STARD8: variants seen among roughly 807,000 people sequenced by gnomAD.
STARD8 encodes the protein stAR-related lipid transfer protein 8.
Under a neutral mutation model 69.4 loss-of-function variants are expected in STARD8, and 25 were observed. That is an observed-to-expected ratio of 0.36 (90% CI 0.26 to 0.50). The LOEUF is 0.50. STARD8 is among the 20% of genes least tolerant of loss of function. STARD8 has a pLI of 0.96. For synonymous variants in STARD8, 389 were observed against 374.6 expected, an observed-to-expected ratio of 1.04 and a Z score of -0.45; for missense variants, 921 against 932.5, an observed-to-expected ratio of 0.99 and a Z score of 0.16.
intron 1 of STARD8, 34 bp from the exon 2 acceptor site, chrX:68,665,465 C>A: frequency 8.3e-7 from 1 of 1,197,734 alleles, no homozygotes. Flanking sequence ...TGCATCTCTG[C>A]AATGCCTTGA....
intron 2 of STARD8, among the ~76,000 whole-genome samples, chrX:68,678,250 G>T (rs1480266948): frequency 9.0e-6 from 1 of 111,468 alleles, no homozygotes; most frequent in African/African-American, 3.3e-5. Context: ...AATTCCCCTG[G>T]AAAGTGGAAA....
intron 1 of STARD8, among the ~76,000 whole-genome samples, chrX:68,651,936 C>G (rs2079550188): frequency 9.3e-6 from 1 of 107,474 alleles, no homozygotes. Flanking sequence ...CAACCTCCAC[C>G]TCCCGGGTTC....
intron 1 of STARD8, among the ~76,000 whole-genome samples, chrX:68,650,270 T>A (rs188919384): frequency 2.7e-4 from 29 of 107,984 alleles, no homozygotes; most frequent in African/African-American, 9.5e-4. Context: ...ATAAAAAAAA[T>A]TTGCTGGGCA....
In STARD8 at chrX:68,717,405, GC is replaced by G; in HGVS notation, c.493del (p.Leu165TyrfsTer52). Reference sequence around the variant, plus strand: ...ACCTCTCTGCCAGTCATCACCGTGAGCCTACCACCCGAGCCAGCAGACTTGC... The same window carrying G: ...ACCTCTCTGCCAGTCATCACCGTGAGCTACCACCCGAGCCAGCAGACTTGC... ...SATSLPVITV[S>X]LPPEPADLPL... On this transcript the variant is annotated frameshift_variant, in exon 6 of 15. Transcript: ENST00000374599. LOFTEE classifies it high-confidence loss of function. The G allele has an allele frequency of 8.3e-7, 1 of 1,209,569 alleles. No homozygotes were observed. Among genetic ancestry groups the G allele is most frequent in the Non-Finnish European group, 1.1e-6 (1 of 894,854 alleles).
intron 1 of STARD8, among the ~76,000 whole-genome samples, chrX:68,660,443 CCCCAGCAGACATCACAT>C (rs2079637563): frequency 9.0e-6 from 1 of 111,687 alleles, no homozygotes; most frequent in African/African-American, 3.3e-5. Flanking sequence ...AGCACCCCAT[CCCCAGCAGACATCACAT>C]CCCGAACATG....
At chrX:68,698,380 G>A (rs190865408) in intron 2 of STARD8, among the ~76,000 whole-genome samples, 1 of 111,593 alleles carries the variant, frequency 9.0e-6, no homozygotes, top group Non-Finnish European at 1.9e-5. Flanking sequence ...AGGGTCTGCC[G>A]ATGCTGGGTA....
intron 1 of STARD8, among the ~76,000 whole-genome samples, chrX:68,665,038 G>A (rs2079674343): frequency 8.9e-6 from 1 of 112,331 alleles, no homozygotes; most frequent in Admixed American, 9.4e-5. Flanking sequence ...AGCAGGGGAA[G>A]GTGACCCTGA....
chrX:68,652,210 T>C (rs1442707020), intron 1 of STARD8, among the ~76,000 whole-genome samples: 1 of 110,576 alleles, frequency 9.0e-6, no homozygotes, highest in Non-Finnish European at 1.9e-5. Context: ...TACACATGAT[T>C]TGTTGGAAGC....
Position 68,716,356 on chromosome X carries a change from A to G in STARD8, c.234-12A>G. 1 of 1,209,440 alleles carries G rather than the reference A, an allele frequency of 8.3e-7. No homozygotes were observed. Among genetic ancestry groups the G allele is most frequent in the Non-Finnish European group, 1.1e-6 (1 of 894,069 alleles). On this transcript the variant is annotated splice_polypyrimidine_tract_variant and intron_variant, in intron 4 of 14. Coordinates refer to ENST00000374599, the MANE Select transcript of STARD8 (RefSeq NM_001142503.3). The stretch of plus-strand genomic sequence containing the variant: ...TGGGGACCCTTGGTTGGACACTTCC[A>G]TTTTGTTACAGGAGGCTGATGACCT...
intron 2 of STARD8, among the ~76,000 whole-genome samples, chrX:68,693,277 C>T (rs952315298): frequency 8.9e-6 from 1 of 112,807 alleles, no homozygotes; most frequent in Non-Finnish European, 1.9e-5. Flanking sequence ...GAAGTTGTGT[C>T]TTCTGGACAT....
At chrX:68,671,812 C>G (rs922155716) in intron 2 of STARD8, among the ~76,000 whole-genome samples, 22 of 112,045 alleles carry the variant, frequency 2.0e-4, no homozygotes, top group Admixed American at 9.4e-5. Flanking sequence ...TTAACCCATG[C>G]TTTTGAAACT....
intron 2 of STARD8, among the ~76,000 whole-genome samples, chrX:68,674,150 T>C (rs898207829): frequency 1.8e-5 from 2 of 109,786 alleles, no homozygotes; most frequent in Admixed American, 1.9e-4. Flanking sequence ...AAAAATTAGC[T>C]AAGTGTGGTG....
At chrX:68,681,738 C>T (rs867930931) in intron 2 of STARD8, among the ~76,000 whole-genome samples, 3 of 112,050 alleles carry the variant, frequency 2.7e-5, no homozygotes, top group Non-Finnish European at 3.8e-5. Context: ...TAACTAGATG[C>T]CTCATCGGCC....
In STARD8 at chrX:68,705,812, A is replaced by G. The variant is rs73529876; in HGVS notation, c.80-7102A>G. ...TTGACCCCCACCAATTGAGATGACC[A>G]AAAACGTCTCCAGACATTGCCAAAT... On this transcript the variant is annotated intron_variant, in intron 2 of 14. Coordinates refer to ENST00000374599, the MANE Select transcript of STARD8 (RefSeq NM_001142503.3). 7.6e-3 allele frequency among the ~76,000 whole-genome samples: 861 copies of G among 112,986 alleles called. 11 individuals are homozygous for G. The highest frequency in any genetic ancestry group is 0.027 in the African/African-American group (841 of 31,124).
At chrX:68,704,389 G>A (rs2079989464) in intron 2 of STARD8, among the ~76,000 whole-genome samples, 1 of 111,541 alleles carries the variant, frequency 9.0e-6, no homozygotes, top group Non-Finnish European at 1.9e-5. Flanking sequence ...GCCCCAGGCT[G>A]TGGGAGCTCT....
chrX:68,689,365 G>C (rs747109950), intron 2 of STARD8, among the ~76,000 whole-genome samples: 4 of 111,539 alleles, frequency 3.6e-5, no homozygotes, highest in African/African-American at 1.3e-4. Flanking sequence ...AGTAAGGTCA[G>C]TCCGGAGACC....
intron 2 of STARD8, among the ~76,000 whole-genome samples, chrX:68,679,420 G>A (rs2079786756): frequency 9.0e-6 from 1 of 111,415 alleles, no homozygotes; most frequent in Non-Finnish European, 1.9e-5. Context: ...CTCAGATAAA[G>A]ACATTGTAAC....
At chrX:68,693,552 C>T (rs896932978) in intron 2 of STARD8, 1 of 652,642 alleles carries the variant, frequency 1.5e-6, no homozygotes, top group Non-Finnish European at 1.8e-6. Context: ...CTGGCGAGTC[C>T]GGTGGGCCAG....
intron 2 of STARD8, among the ~76,000 whole-genome samples, chrX:68,698,906 C>G (rs1470586509): frequency 3.6e-5 from 4 of 111,844 alleles, no homozygotes; most frequent in Non-Finnish European, 7.5e-5. Context: ...TTCTTATCTA[C>G]CAGGCAATGG....
Sources: gnomAD v4.1 joint callset for allele counts (sites outside exome capture counted in the v4.1 genomes callset) on GRCh38, gnomAD v4.1.1 for gene constraint, MANE v1.5 for transcripts, NCBI Gene and HGNC (gene_info 2026-07-23, HGNC 2026-07-21) for gene names.